WDR91: variants seen among roughly 807,000 people sequenced by gnomAD.
WDR91 encodes the protein WD repeat-containing protein 91.
WDR91 carries 52 observed loss-of-function variants against 88.4 expected under a neutral mutation model. The observed-to-expected ratio is 0.59, with a 90% CI of 0.47 to 0.74. The LOEUF is 0.74. Among genes scored for constraint, WDR91 ranks in the 30% least tolerant of loss-of-function variants. The pLI is 0.00. For missense variants in WDR91, 824 were observed against 954.5 expected (o/e 0.86, Z 1.80); for synonymous variants, 362 against 389.5 (o/e 0.93, Z 0.83).
In WDR91 at chr7:135,196,472, TG is replaced by T; in HGVS notation, c.1051-136del. ...AATTACAGAGTGGAGAGGAGAGCTC[TG>T]ACCTGCGAGGGTAGTGCTCAGCTCA... On this transcript the variant is annotated intron_variant, in intron 7 of 14. Transcript: ENST00000354475. This position sits in a 1 kb window ranked among gnomAD's most constrained non-coding sequence, Gnocchi z 4.2. 1.2e-6 allele frequency: 1 copy of T among 840,804 alleles called. No individual in the cohort carries two copies. Among genetic ancestry groups the T allele is most frequent in the Non-Finnish European group, 1.7e-6 (1 of 586,264 alleles). The allele number at this position is 840,804 out of a possible 1,614,324, so 52.1% of individuals were successfully genotyped here. A position where few individuals can be genotyped will look rare whatever the true frequency, so the allele number is the denominator to read the frequency against.
intron 3 of WDR91, 148 bp from the exon 4 acceptor site, chr7:135,207,350 T>A: frequency 1.5e-6 from 1 of 671,354 alleles, no homozygotes; most frequent in Non-Finnish European, 2.7e-6. Flanking sequence ...CTTAATGAAA[T>A]AGTCGCTCCC....
chr7:135,205,401 C>T (rs935235327), intron 5 of WDR91, among the ~76,000 whole-genome samples: 3 of 152,200 alleles, frequency 2.0e-5, no homozygotes, highest in African/African-American at 7.2e-5. Flanking sequence ...TAGGCAGAGC[C>T]ACAGGCTCGG....
chr7:135,205,871 TG>T, intron 5 of WDR91, 56 bp downstream of exon 5: 1 of 1,608,694 alleles, frequency 6.2e-7, no homozygotes, highest in South Asian at 1.1e-5. Flanking sequence ...CAGAGGGAAC[TG>T]TGGGGCTGAG....
chr7:135,204,296 G>A lies in WDR91; in HGVS notation c.863C>T (p.Ser288Leu), dbSNP rs747135607. Residue 288 changes from serine to leucine, a missense_variant, in exon 6 of 15, where the codon TCG becomes TTG. Physicochemically the swap from Ser to Leu is moderately radical, Grantham distance 145. Coordinates refer to ENST00000354475, the MANE Select transcript of WDR91 (RefSeq NM_014149.4). The stretch of plus-strand genomic sequence containing the variant: ...ACCACCGAAGGACTCTTTCTTGGCC[G>A]AGCTCTGAGGTTGAGGAGGGCCCTG... Reference protein sequence around the residue: ...PAQGPPQPQSSAKKESFGGQG... With the variant: ...PAQGPPQPQSLAKKESFGGQG... 7.9e-5 allele frequency: 127 copies of A among 1,613,958 alleles called. No homozygotes were observed. Among genetic ancestry groups the A allele is most frequent in the Non-Finnish European group, 1.0e-4 (120 of 1,180,010 alleles).
At chr7:135,197,955 C>G in intron 7 of WDR91, 38 bp downstream of exon 7, 1 of 1,597,860 alleles carries the variant, frequency 6.3e-7, no homozygotes, top group Non-Finnish European at 8.6e-7. Context: ...TCAGTAGCTG[C>G]ATGAGTGTCC....
rs1223649256 is a variant in WDR91 at position 135,189,463 on chromosome 7, A to C, written c.1660-11T>G. 22 of 1,610,696 alleles carry C rather than the reference A, an allele frequency of 1.4e-5. No individual in the cohort carries two copies. The highest frequency in any genetic ancestry group is 1.9e-5 in the Non-Finnish European group (22 of 1,177,228). ...CAGGGAGAACTGGAGCTATTGAAAT[A>C]AAACAAAAATGTCAGTAGCAGATCT... On this transcript the variant is annotated splice_polypyrimidine_tract_variant and intron_variant, in intron 11 of 14. Coordinates refer to ENST00000354475, the MANE Select transcript of WDR91 (RefSeq NM_014149.4).
chr7:135,207,947 G>A (rs1831863754), intron 3 of WDR91, among the ~76,000 whole-genome samples: 1 of 152,216 alleles, frequency 6.6e-6, no homozygotes, highest in Non-Finnish European at 1.5e-5. Flanking sequence ...TGAAGAGAGG[G>A]AACAACGGGG....
chr7:135,195,650 T>C (rs1831335469), intron 8 of WDR91, among the ~76,000 whole-genome samples: 1 of 152,048 alleles, frequency 6.6e-6, no homozygotes, highest in African/African-American at 2.4e-5. Flanking sequence ...GAAACACAAT[T>C]AGAAAGGGCA....
At chr7:135,191,527 C>T (rs920939938) in intron 11 of WDR91, among the ~76,000 whole-genome samples, 2 of 147,976 alleles carry the variant, frequency 1.4e-5, no homozygotes, top group Non-Finnish European at 3.0e-5. Flanking sequence ...ATTGCTTGAA[C>T]TCAGAAGGCG....
At position 135,198,029 on chromosome 7, in the gene WDR91, C is replaced by T; in HGVS notation, c.1014G>A (p.Lys338=). 6.2e-7 allele frequency: 1 copy of T among 1,614,196 alleles called. No individual in the cohort carries two copies. Among genetic ancestry groups the T allele is most frequent in the Non-Finnish European group, 8.5e-7 (1 of 1,180,018 alleles). The stretch of plus-strand genomic sequence containing the variant: ...TTGTGGAGAAAAGCTCCTTCCTCTC[C>T]TTGCCATGGTCCTGCAGGCGCCGCT... ...HRQRRLQDHG[K]ERKELFSTTT... Residue 338 remains lysine, a synonymous_variant, in exon 7 of 15, where the codon AAG becomes AAA. Transcript: ENST00000354475.
Position 135,196,485 on chromosome 7 carries a change from T to C in WDR91, c.1051-148A>G. 1.3e-6 allele frequency: 1 copy of C among 741,286 alleles called. No homozygotes were observed. The allele number at this position is 741,286 out of a possible 1,614,324, so 45.9% of individuals were successfully genotyped here. A position where few individuals can be genotyped will look rare whatever the true frequency, so the allele number is the denominator to read the frequency against. ...AGAGGAGAGCTCTGACCTGCGAGGG[T>C]AGTGCTCAGCTCACCCTGGGAGAGT... On this transcript the variant is annotated intron_variant, in intron 7 of 14. Coordinates refer to ENST00000354475, the MANE Select transcript of WDR91 (RefSeq NM_014149.4). This position sits in a 1 kb window ranked among gnomAD's most constrained non-coding sequence, Gnocchi z 4.2.
Position 135,188,470 on chromosome 7 carries a change from T to C in WDR91, c.1844A>G (p.Asp615Gly). The C allele has an allele frequency of 6.2e-7, 1 of 1,614,094 alleles. No homozygotes were observed. Among genetic ancestry groups the C allele is most frequent in the African/African-American group, 1.3e-5 (1 of 75,034 alleles). The change falls in exon 13 of 15, where the codon GAT becomes GGT. Residue 615 changes from aspartate (D) to glycine (G), a missense_variant. Asp to Gly is a moderately conservative substitution (Grantham distance 94). Transcript: ENST00000354475. ...GCCGATGCTGTACACGGTGTTCTCA[T>C]CATAGCTGAACTCCACAGAGTAGAC... ...GEVYSVEFSY[D>G]ENTVYSIGED...
In WDR91 at chr7:135,193,254, C is replaced by T. The variant is rs747984171; in HGVS notation, c.1636G>A (p.Asp546Asn). ...NQVPGRLLLW[D>N]TKTMKQQLQF... ...ACCTGCTGCTTCATGGTTTTCGTGT[C>T]CCACAGCAGCAGCCTGCCAGGAACC... The change falls in exon 11 of 15, where the codon GAC (aspartate) becomes AAC (asparagine). Residue 546 changes from aspartate (D) to asparagine (N), a missense_variant. Physicochemically the swap from Asp to Asn is conservative, Grantham distance 23 (BLOSUM62 1). Coordinates refer to ENST00000354475, the MANE Select transcript of WDR91 (RefSeq NM_014149.4). The T allele has an allele frequency of 3.1e-6, 5 of 1,614,072 alleles. No homozygotes were observed. The Admixed American group carries it at 5.0e-5, about 16-fold the overall frequency.
At position 135,191,324 on chromosome 7, in the gene WDR91, C is replaced by G. The variant is rs971178830; in HGVS notation, c.1660-1872G>C. ...ATAAAGTAATTTTTTAAATGTAAGG[C>G]AGGCCGGGTGCAGTGGCTCATGCCT... On this transcript the variant is annotated intron_variant, in intron 11 of 14. Coordinates refer to ENST00000354475, the MANE Select transcript of WDR91 (RefSeq NM_014149.4). 3.8e-4 allele frequency among the ~76,000 whole-genome samples: 58 copies of G among 152,086 alleles called. 2 individuals carry two copies. The highest frequency in any genetic ancestry group is 1.8e-4 in the Non-Finnish European group (12 of 68,014).
intron 6 of WDR91, 22 bp from the exon 7 acceptor site, chr7:135,198,173 G>A: frequency 6.2e-7 from 1 of 1,604,182 alleles, no homozygotes. Context: ...GAAGCTGGCT[G>A]TGAAGTCTCT....
In WDR91 at chr7:135,192,883, C is replaced by T. The variant is rs111706607; in HGVS notation, c.1659+348G>A. Among the ~76,000 whole-genome samples, 242 of 152,258 alleles carry T rather than the reference C, an allele frequency of 1.6e-3. 1 individual carries two copies. The highest frequency in any genetic ancestry group is 5.4e-3 in the African/African-American group (224 of 41,556). ...AAGTTCACAGGCTGTCTGGTCACCT[C>T]GCTTCTTACGAATCTGTATGTGTCC... is the stretch of plus-strand genomic sequence containing the variant. On this transcript the variant is annotated intron_variant, in intron 11 of 14. Transcript: ENST00000354475.
rs1831759769 is a variant in WDR91, at chr7:135,205,984, G to C, written c.669C>G (p.Val223=). Residue 223 remains valine (V), a synonymous_variant, in exon 5 of 15, where the codon GTC becomes GTG. Coordinates refer to ENST00000354475, the MANE Select transcript of WDR91 (RefSeq NM_014149.4). ...EQQPEEEEAL[V]QHKLPPYVSN... ...AGACATAAGGAGGCAATTTGTGTTG[G>C]ACCAAGGCCTCTTCCTCTTCTGGCT... 6.2e-7 allele frequency: 1 copy of C among 1,614,156 alleles called. No individual in the cohort carries two copies. The highest frequency in any genetic ancestry group is 8.5e-7 in the Non-Finnish European group (1 of 1,180,046).
intron 3 of WDR91, among the ~76,000 whole-genome samples, chr7:135,208,384 C>T (rs1231358719): frequency 2.0e-5 from 3 of 152,142 alleles, no homozygotes; most frequent in Non-Finnish European, 4.4e-5. Context: ...AAGTTCCAAC[C>T]CAAGAAGTCT....
rs761993018 is a variant in WDR91 at position 135,198,092 on chromosome 7, C to A, written c.951G>T (p.Gly317=). 5.0e-6 allele frequency: 8 copies of A among 1,614,048 alleles called. No individual in the cohort carries two copies. The Admixed American group carries it at 1.3e-4, about 27-fold the overall frequency. ...GAKDGKSLLS[G]LATGESGWSQ... The stretch of plus-strand genomic sequence containing the variant: ...ACCAACCGGACTCCCCAGTGGCCAG[C>A]CCGCTGAGGAGGCTCTTCCCATCCT... The change falls in exon 7 of 15, where the codon GGG becomes GGT. Residue 317 remains glycine (G), a synonymous_variant. Coordinates refer to ENST00000354475, the MANE Select transcript of WDR91 (RefSeq NM_014149.4).
Sources: allele counts gnomAD v4.1 joint callset (sites outside exome capture counted in the v4.1 genomes callset), GRCh38; gene constraint gnomAD v4.1.1; non-coding constraint Gnocchi (gnomAD v3.1); transcripts MANE v1.5; gene names NCBI Gene and HGNC (gene_info 2026-07-23, HGNC 2026-07-21).